CERS3: variants seen among roughly 807,000 people sequenced by gnomAD.
CERS3 encodes LAG1 homolog, ceramide synthase 3.
Under a neutral mutation model 50.3 loss-of-function variants are expected in CERS3, and 33 were observed. The ratio of observed to expected loss-of-function variants is 0.66; its 90% CI spans 0.50 to 0.88. The LOEUF is 0.88. Among genes scored for constraint, CERS3 ranks in the 40% least tolerant of loss-of-function variants. The pLI is 0.00. For missense variants in CERS3, 470 were observed against 460.3 expected (o/e 1.02, Z -0.19); for synonymous variants, 176 against 155.2 (o/e 1.13, Z -0.99).
chr15:100,437,974 C>T (rs948841993), intron 11 of CERS3: 3 of 150,004 alleles, frequency 2.0e-5, no homozygotes, highest in Non-Finnish European at 3.0e-5. Flanking sequence ...AAGTAAGTTA[C>T]AAGATTTATG....
At position 100,416,577 on chromosome 15, in the gene CERS3, A is replaced by G. The variant is rs34177342; in HGVS notation, c.1000-13712T>C. Among the ~76,000 whole-genome samples the G allele has an allele frequency of 2.4e-3, 361 of 152,338 alleles. 1 individual carries two copies. Among genetic ancestry groups the G allele is most frequent in the Non-Finnish European group, 4.1e-3 (279 of 68,022 alleles). ...CTGGGGAGGCCTCAGGAAACTTACA[A>G]TCGTGGCATAAGGAGAAGCAAGGAC... On this transcript the variant is annotated intron_variant, in intron 11 of 11. Coordinates refer to ENST00000679737, the MANE Select transcript of CERS3 (RefSeq NM_001378789.1).
Position 100,469,371 on chromosome 15 carries a change from T to C in CERS3, c.845+7A>G. On this transcript the variant is annotated splice_region_variant and intron_variant, in intron 10 of 11. Transcript: ENST00000679737. ...CCAAAGGCAGGGCACATCACCGGTCTACTCACCAGAAAGGAAAAACAATGA... is the reference window on the plus strand; with the variant it reads ...CCAAAGGCAGGGCACATCACCGGTCCACTCACCAGAAAGGAAAAACAATGA... The C allele has an allele frequency of 1.2e-6, 2 of 1,609,230 alleles. No individual in the cohort carries two copies. Among genetic ancestry groups the C allele is most frequent in the Non-Finnish European group, 1.7e-6 (2 of 1,175,676 alleles).
chr15:100,472,161 G>A (rs556634525), intron 9 of CERS3, among the ~76,000 whole-genome samples: 47 of 152,264 alleles, frequency 3.1e-4, no homozygotes, highest in African/African-American at 9.6e-4. Flanking sequence ...ATGGGTTAGC[G>A]TCATTTCCCC....
At chr15:100,431,814 C>T (rs551655860) in intron 11 of CERS3, among the ~76,000 whole-genome samples, 151 of 152,270 alleles carry the variant, frequency 9.9e-4, no homozygotes, top group Middle Eastern at 3.4e-3. Flanking sequence ...TTTCTATTAA[C>T]GCCCAAGCCA....
chr15:100,477,259 G>A (rs2035158895), intron 7 of CERS3, among the ~76,000 whole-genome samples: 1 of 152,112 alleles, frequency 6.6e-6, no homozygotes, highest in Non-Finnish European at 1.5e-5. Flanking sequence ...ATAGGCCTGG[G>A]GTTTGGTCTA....
rs1468595570 is a variant in CERS3 at position 100,419,261 on chromosome 15, A to T, written c.1000-16396T>A. On this transcript the variant is annotated intron_variant, in intron 11 of 11. Transcript: ENST00000679737. The stretch of plus-strand genomic sequence containing the variant: ...GATCTACCAAGCCAATGGAAAACAA[A>T]AAAAGGCAGGGGTTGCAATCCTAGT... 3.3e-3 allele frequency among the ~76,000 whole-genome samples: 396 copies of T among 118,994 alleles called. 1 individual carries two copies. The highest frequency in any genetic ancestry group is 0.012 in the African/African-American group (378 of 31,842). The allele number at this position is 118,994 out of a possible 152,430, so 78.1% of individuals were successfully genotyped here. A position where few individuals can be genotyped will look rare whatever the true frequency, so the allele number is the denominator to read the frequency against.
intron 11 of CERS3, among the ~76,000 whole-genome samples, chr15:100,415,955 A>AAAAC (rs34934679): frequency 0.57 from 86,560 of 151,260 alleles, 24,966 homozygotes; most frequent in Non-Finnish European, 0.6. Context: ...AACTTGAAGT[A>AAAAC]AAACAAAAAC....
intron 10 of CERS3, among the ~76,000 whole-genome samples, chr15:100,463,531 T>C (rs1352862445): frequency 6.6e-6 from 1 of 151,844 alleles, no homozygotes; most frequent in Admixed American, 6.6e-5. Context: ...TAGGATTCTA[T>C]GGTTTGAAGA....
chr15:100,506,843 G>GT (rs1282860339), intron 2 of CERS3, among the ~76,000 whole-genome samples: 2 of 152,102 alleles, frequency 1.3e-5, no homozygotes, highest in African/African-American at 4.8e-5. Context: ...TGGTGAAAAT[G>GT]TTTAACATTT....
chr15:100,456,900 T>C (rs1482093280), intron 10 of CERS3, among the ~76,000 whole-genome samples: 1 of 151,272 alleles, frequency 6.6e-6, no homozygotes, highest in Non-Finnish European at 1.5e-5. Context: ...TGAGCCGAGA[T>C]TGTGCCACTG....
At chr15:100,465,516 C>T (rs959158318) in intron 10 of CERS3, among the ~76,000 whole-genome samples, 1 of 152,214 alleles carries the variant, frequency 6.6e-6, no homozygotes, top group African/African-American at 2.4e-5. Flanking sequence ...GATTGACATA[C>T]TTCCTTCAGA....
chr15:100,427,093 C>T (rs1428743943), intron 11 of CERS3, among the ~76,000 whole-genome samples: 1 of 152,172 alleles, frequency 6.6e-6, no homozygotes, highest in South Asian at 2.1e-4. Flanking sequence ...TAAGGGAACA[C>T]AGTAGTCAGC....
chr15:100,484,518 A>G, intron 5 of CERS3, 32 bp downstream of exon 5: 11 of 1,420,588 alleles, frequency 7.7e-6, no homozygotes, highest in Non-Finnish European at 1.1e-5. Context: ...ATAGGACGGC[A>G]GCATTCCTAA....
At chr15:100,431,751 C>G (rs2033146811) in intron 11 of CERS3, among the ~76,000 whole-genome samples, 1 of 152,160 alleles carries the variant, frequency 6.6e-6, no homozygotes, top group Non-Finnish European at 1.5e-5. Context: ...ATTCCAGTGT[C>G]TCGATCTCAC....
chr15:100,539,140 C>T (rs2037141778), intron 1 of CERS3, among the ~76,000 whole-genome samples: 1 of 152,220 alleles, frequency 6.6e-6, no homozygotes, highest in African/African-American at 2.4e-5. Context: ...TTATCTCCAT[C>T]TGAGACCATC....
chr15:100,529,593 CTG>C (rs2036889126), upstream of CERS3, among the ~76,000 whole-genome samples: 1 of 152,214 alleles, frequency 6.6e-6, no homozygotes, highest in Non-Finnish European at 1.5e-5. Context: ...TTGCTTGTCT[CTG>C]TGTGCTTGAA....
chr15:100,498,769 G>C (rs1050222186), intron 3 of CERS3, among the ~76,000 whole-genome samples: 2 of 152,150 alleles, frequency 1.3e-5, no homozygotes, highest in African/African-American at 4.8e-5. Flanking sequence ...TATTAGGCAT[G>C]TTACATTTAA....
intron 5 of CERS3, among the ~76,000 whole-genome samples, chr15:100,480,669 G>A (rs1440881477): frequency 6.6e-6 from 1 of 152,060 alleles, no homozygotes; most frequent in Non-Finnish European, 1.5e-5. Flanking sequence ...GACAATCAGG[G>A]AAATCTAAAC....
In CERS3 at chr15:100,541,341, G is replaced by A. The variant is rs763480572; in HGVS notation, c.-355+3310C>T. 3.3e-5 allele frequency among the ~76,000 whole-genome samples: 5 copies of A among 152,116 alleles called. No homozygotes were observed. The East Asian group carries it at 5.8e-4, about 18-fold the overall frequency. ...ACAAAAATTAGCCGGGCGTGATGGCGCATGCCTGTAATCCCAGCTACTCCT... is the reference window on the plus strand; with the variant it reads ...ACAAAAATTAGCCGGGCGTGATGGCACATGCCTGTAATCCCAGCTACTCCT... On this transcript the variant is annotated intron_variant, in intron 1 of 12. Transcript: ENST00000284382.
Sources: gnomAD v4.1 joint callset for allele counts (sites outside exome capture counted in the v4.1 genomes callset) on GRCh38, gnomAD v4.1.1 for gene constraint, MANE v1.5 for transcripts, NCBI Gene and HGNC (gene_info 2026-07-23, HGNC 2026-07-21) for gene names.